ERI1: variants seen among roughly 807,000 people sequenced by gnomAD.
ERI1 encodes 3'-5' exoribonuclease 1.
ERI1 carries 39 observed loss-of-function variants against 39.7 expected under a neutral mutation model. The ratio of observed to expected loss-of-function variants is 0.98; its 90% confidence interval spans 0.76 to 1.28. ERI1 has a LOEUF of 1.28. Ranked by LOEUF, ERI1 falls within the 50% of genes most tolerant of loss-of-function variation. ERI1 has a pLI of 0.00. For missense variants in ERI1, 581 were observed against 416.9 expected (o/e 1.39, Z -3.43); for synonymous variants, 204 against 149.6 (o/e 1.36, Z -2.65).
At chr8:9,046,980 T>C (rs1375198831) in intron 3 of ERI1, among the ~76,000 whole-genome samples, 1 of 152,156 alleles carries the variant, frequency 6.6e-6, no homozygotes, top group African/African-American at 2.4e-5. Context: ...TGAACTGGGC[T>C]GAGATTTTTT....
intron 3 of ERI1, among the ~76,000 whole-genome samples, chr8:9,071,009 A>G (rs948090116): frequency 1.3e-5 from 2 of 152,092 alleles, no homozygotes; most frequent in East Asian, 1.9e-4. Flanking sequence ...AACGGGCTCT[A>G]TCTTCTCTCC....
chr8:9,029,751 A>G, intron 6 of ERI1, 41 bp from the exon 7 acceptor site: 1 of 1,610,770 alleles, frequency 6.2e-7, no homozygotes, highest in Non-Finnish European at 8.5e-7. Context: ...ATTACAGTTT[A>G]GAACACCAAA....
chr8:9,049,363 A>AAAAAAAAAAAAAAAAAAAC, intron 3 of ERI1, among the ~76,000 whole-genome samples: 1 of 140,734 alleles, frequency 7.1e-6, no homozygotes, highest in Non-Finnish European at 1.6e-5. Context: ...AAAAAAAAAA[A>AAAAAAAAAAAAAAAAAAAC]AAGAGCAACA....
chr8:9,088,791 C>T (rs1353095921), intron 3 of ERI1, among the ~76,000 whole-genome samples: 1 of 152,176 alleles, frequency 6.6e-6, no homozygotes, highest in Non-Finnish European at 1.5e-5. Context: ...CTCACATGCA[C>T]GTCATTGCCT....
At position 9,098,121 on chromosome 8, in the gene ERI1, C is replaced by G. The variant is rs530221653; in HGVS notation, n.300-18227C>G. Among the ~76,000 whole-genome samples, 12 of 152,316 alleles carry G rather than the reference C, an allele frequency of 7.9e-5. No homozygotes were observed. In the South Asian group the frequency reaches 1.2e-3, roughly 16 times the overall value. ...ACAGTGGGCCGGGCACAGTGGCTCA[C>G]ACCTGTAATTCCAGCACTTTGGGAG... On this transcript the variant is annotated intron_variant and non_coding_transcript_variant, in intron 3 of 3. Transcript: ENST00000518663.
intron 2 of ERI1, chr8:9,009,003 C>T (rs1032561637): frequency 4.4e-6 from 2 of 455,998 alleles, no homozygotes; most frequent in South Asian, 1.5e-5. Flanking sequence ...TTTTTGACTC[C>T]TATTTCCCCG....
intron 3 of ERI1, among the ~76,000 whole-genome samples, chr8:9,071,212 G>A (rs1441577454): frequency 3.9e-5 from 6 of 152,168 alleles, no homozygotes; most frequent in Admixed American, 1.3e-4. Flanking sequence ...AGACATCTAC[G>A]AGGTCAGTTT....
intron 3 of ERI1, among the ~76,000 whole-genome samples, chr8:9,039,247 C>G (rs1797945788): frequency 6.6e-6 from 1 of 152,176 alleles, no homozygotes; most frequent in Non-Finnish European, 1.5e-5. Flanking sequence ...GGATATAATA[C>G]TCTTGGCACA....
chr8:9,088,285 A>T (rs1450109777), intron 3 of ERI1, among the ~76,000 whole-genome samples: 1 of 152,046 alleles, frequency 6.6e-6, no homozygotes, highest in Non-Finnish European at 1.5e-5. Context: ...AAAAAAAATT[A>T]AAGTGTTTTC....
chr8:9,081,315 G>A (rs1433819140), intron 3 of ERI1, among the ~76,000 whole-genome samples: 1 of 152,184 alleles, frequency 6.6e-6, no homozygotes, highest in African/African-American at 2.4e-5. Flanking sequence ...GATAATTAAT[G>A]GGAGAAAGGT....
chr8:9,023,373 A>T (rs949406849), intron 6 of ERI1, among the ~76,000 whole-genome samples: 3 of 152,060 alleles, frequency 2.0e-5, no homozygotes, highest in African/African-American at 7.2e-5. Context: ...TTTTTTTGCT[A>T]CAACTCCCAG....
intron 3 of ERI1, among the ~76,000 whole-genome samples, chr8:9,012,410 C>T (rs192280843): frequency 4.6e-5 from 7 of 152,348 alleles, no homozygotes; most frequent in Non-Finnish European, 7.3e-5. Flanking sequence ...AATATCCTAA[C>T]ATCTCAACTT....
chr8:9,058,202 G>A (rs914187477), intron 3 of ERI1, among the ~76,000 whole-genome samples: 3 of 152,232 alleles, frequency 2.0e-5, no homozygotes, highest in African/African-American at 7.2e-5. Flanking sequence ...CGTGGCCCTG[G>A]AGCTGGTGAG....
chr8:9,044,846 C>T (rs1394920202), intron 3 of ERI1, among the ~76,000 whole-genome samples: 1 of 152,088 alleles, frequency 6.6e-6, no homozygotes, highest in African/African-American at 2.4e-5. Context: ...CCTGACCTGC[C>T]ACACCTGCAT....
intron 3 of ERI1, among the ~76,000 whole-genome samples, chr8:9,080,320 C>T (rs185120233): frequency 1.3e-5 from 2 of 152,188 alleles, no homozygotes; most frequent in Non-Finnish European, 2.9e-5. Flanking sequence ...ACTAGATGTG[C>T]CCTGCTAGTG....
chr8:9,017,462 C>G (rs2979246), intron 4 of ERI1, among the ~76,000 whole-genome samples: 131,979 of 152,182 alleles, frequency 0.87, 57,503 homozygotes, highest in Non-Finnish European at 0.91. Context: ...TATATGCCAG[C>G]ATTTGTATAT....
chr8:9,013,755 T>G (rs1231930666), intron 3 of ERI1, among the ~76,000 whole-genome samples: 1 of 152,180 alleles, frequency 6.6e-6, no homozygotes, highest in Admixed American at 6.5e-5. Context: ...TGGCAGCTTT[T>G]TCTAATTAGA....
At chr8:9,044,454 T>C (rs751711076) in intron 3 of ERI1, among the ~76,000 whole-genome samples, 1 of 151,890 alleles carries the variant, frequency 6.6e-6, no homozygotes, top group Non-Finnish European at 1.5e-5. Flanking sequence ...AGTAGGAGAG[T>C]TCACACTGGC....
intron 1 of ERI1, 85 bp downstream of exon 1, chr8:9,003,256 C>T (rs930935838): frequency 2.7e-5 from 22 of 817,498 alleles, no homozygotes; most frequent in Non-Finnish European, 3.4e-5. Context: ...CTCAGGTGTC[C>T]CGCAGAAGGT....
Sources: gnomAD v4.1 joint callset for allele counts (sites outside exome capture counted in the v4.1 genomes callset) on GRCh38, gnomAD v4.1.1 for gene constraint, MANE v1.5 for transcripts, NCBI Gene and HGNC (gene_info 2026-07-23, HGNC 2026-07-21) for gene names.